SCARA3: variants seen among roughly 807,000 people sequenced by gnomAD.
The protein encoded by SCARA3 is cellular stress response gene protein.
A neutral mutation model predicts 47.0 loss-of-function variants in SCARA3; 39 were observed. The observed-to-expected ratio is 0.83, with a 90% confidence interval of 0.64 to 1.08. The LOEUF is 1.08. SCARA3 is among the 50% of genes least tolerant of loss of function. SCARA3 has a pLI of 0.00. For missense variants in SCARA3, 724 were observed against 792.3 expected, an observed-to-expected ratio of 0.91 and a Z score of 1.04; for synonymous variants, 356 against 334.1, an observed-to-expected ratio of 1.07 and a Z score of -0.71.
the SCARA3 span, among the ~76,000 whole-genome samples, chr8:27,685,165 ATAT>A: frequency 6.6e-6 from 1 of 152,204 alleles, no homozygotes; most frequent in African/African-American, 2.4e-5. Flanking sequence ...TTAAAAGGAA[ATAT>A]TATGAAAATT....
chr8:27,676,338 A>G (rs1802277103), downstream of SCARA3, among the ~76,000 whole-genome samples: 1 of 152,166 alleles, frequency 6.6e-6, no homozygotes, highest in African/African-American at 2.4e-5. Flanking sequence ...CCTCGTTACT[A>G]ACACCACCAG....
the SCARA3 span, among the ~76,000 whole-genome samples, chr8:27,687,815 G>A: frequency 3.3e-5 from 5 of 152,036 alleles, no homozygotes; most frequent in African/African-American, 7.2e-5. Context: ...TCAGGAGTTC[G>A]AGACCAGCCT....
the SCARA3 span, among the ~76,000 whole-genome samples, chr8:27,709,021 G>A: frequency 6.6e-6 from 1 of 152,172 alleles, no homozygotes; most frequent in Admixed American, 6.5e-5. Context: ...TTCTGGGTAG[G>A]AAGCACAGAG....
intron 5 of SCARA3, among the ~76,000 whole-genome samples, chr8:27,667,396 T>G (rs1802038760): frequency 6.6e-6 from 1 of 152,162 alleles, no homozygotes; most frequent in Admixed American, 6.5e-5. Context: ...GTCTTCCTCC[T>G]CCAGGCAGCA....
At chr8:27,664,596 T>C (rs1283928011) in intron 5 of SCARA3, among the ~76,000 whole-genome samples, 1 of 152,074 alleles carries the variant, frequency 6.6e-6, no homozygotes, top group African/African-American at 2.4e-5. Flanking sequence ...TGCTAAGCTA[T>C]AGGGTGTGGG....
chr8:27,634,432 C>G (rs1801205666), intron 1 of SCARA3, among the ~76,000 whole-genome samples: 3 of 152,192 alleles, frequency 2.0e-5, no homozygotes, highest in African/African-American at 7.2e-5. Context: ...CCCCCCCTTG[C>G]AGTCCTGTTC....
the SCARA3 span, among the ~76,000 whole-genome samples, chr8:27,694,329 G>A: frequency 6.6e-6 from 1 of 152,052 alleles, no homozygotes; most frequent in Non-Finnish European, 1.5e-5. Flanking sequence ...ATATCCTCCA[G>A]CCTTATTCTT....
intron 1 of SCARA3, among the ~76,000 whole-genome samples, chr8:27,645,969 AG>A (rs1352469518): frequency 1.3e-5 from 2 of 152,190 alleles, no homozygotes; most frequent in Non-Finnish European, 2.9e-5. Flanking sequence ...GTGCTTGCAA[AG>A]GGCTCGGCTT....
the SCARA3 span, among the ~76,000 whole-genome samples, chr8:27,728,324 C>A: frequency 2.9e-3 from 445 of 152,278 alleles, 7 homozygotes; most frequent in African/African-American, 0.01. Context: ...CAGGATCAGA[C>A]AACTATGGCA....
At chr8:27,638,314 T>TTGTGTGTG (rs55695492) in intron 1 of SCARA3, among the ~76,000 whole-genome samples, 7,124 of 146,626 alleles carry the variant, frequency 0.049, 220 homozygotes, top group Non-Finnish European at 0.066. Flanking sequence ...AATTTAGTGA[T>TTGTGTGTG]TGTGTGTGTG....
intron 3 of SCARA3, among the ~76,000 whole-genome samples, chr8:27,652,068 G>A (rs1801645099): frequency 6.6e-6 from 1 of 152,358 alleles, no homozygotes; most frequent in Middle Eastern, 3.4e-3. Flanking sequence ...TTTATGGTCT[G>A]TGTGTTTCTA....
rs749832269 is a variant in SCARA3 at position 27,659,310 on chromosome 8, C to T, written c.1140C>T (p.Asp380=). 6.4e-5 allele frequency: 103 copies of T among 1,614,018 alleles called. No homozygotes were observed. Among genetic ancestry groups the T allele is most frequent in the African/African-American group, 1.3e-4 (10 of 74,906 alleles). The part of the protein sequence containing the change: ...HVHSMLKYLD[D]VRLSCTLGFH... ...ACAGCATGCTCAAGTACCTGGATGA[C>T]GTGCGGCTCTCCTGCACGCTGGGCT... The change falls in exon 5 of 6, where the codon GAC becomes GAT. Residue 380 remains aspartate (D), a synonymous_variant. Coordinates refer to ENST00000301904, the MANE Select transcript of SCARA3 (RefSeq NM_016240.3).
intron 5 of SCARA3, among the ~76,000 whole-genome samples, chr8:27,666,648 C>T (rs1802021164): frequency 6.6e-6 from 1 of 152,236 alleles, no homozygotes; most frequent in Non-Finnish European, 1.5e-5. Context: ...CCCACGGCAC[C>T]AGGCCAGTCC....
the SCARA3 span, chr8:27,703,154 T>G: frequency 6.6e-6 from 1 of 152,478 alleles, no homozygotes; most frequent in Non-Finnish European, 1.5e-5. Context: ...GCCACAAGGC[T>G]CTGGGGAGAA....
chr8:27,712,556 C>A, the SCARA3 span, among the ~76,000 whole-genome samples: 1 of 91,916 alleles, frequency 1.1e-5, no homozygotes, highest in South Asian at 5.1e-4. Context: ...GAGCGAGACT[C>A]CGTCTCAAAA....
At chr8:27,657,396 G>C (rs555661539) in intron 4 of SCARA3, among the ~76,000 whole-genome samples, 3 of 149,362 alleles carry the variant, frequency 2.0e-5, no homozygotes, top group Non-Finnish European at 4.4e-5. Flanking sequence ...CTGAGGTTTG[G>C]GGGGGTAGAA....
At chr8:27,636,986 C>T (rs1447156301) in intron 1 of SCARA3, among the ~76,000 whole-genome samples, 1 of 152,246 alleles carries the variant, frequency 6.6e-6, no homozygotes, top group Non-Finnish European at 1.5e-5. Flanking sequence ...CCTTCCCGTG[C>T]TCCTCCAGAG....
the SCARA3 span, among the ~76,000 whole-genome samples, chr8:27,715,840 A>AGAT: frequency 2.7e-5 from 3 of 110,202 alleles, no homozygotes; most frequent in East Asian, 7.9e-4. The surrounding 1 kb of genome is among the most constrained non-coding windows in gnomAD (Gnocchi z 4.2). Flanking sequence ...ATAGATAGAT[A>AGAT]GATAGATAGA....
chr8:27,650,902 T>G (rs1361885351), intron 2 of SCARA3, among the ~76,000 whole-genome samples: 1 of 152,174 alleles, frequency 6.6e-6, no homozygotes, highest in Non-Finnish European at 1.5e-5. Flanking sequence ...TTTTCTTTTT[T>G]AAAATAGAGA....
Sources: allele counts gnomAD v4.1 joint callset (sites outside exome capture counted in the v4.1 genomes callset), GRCh38; gene constraint gnomAD v4.1.1; non-coding constraint Gnocchi (gnomAD v3.1); transcripts MANE v1.5; gene names NCBI Gene and HGNC (gene_info 2026-07-23, HGNC 2026-07-21).